The following MAP2K2 variants were observed in gnomAD, a reference collection of about 807,000 sequenced individuals.
MAP2K2 encodes the protein mitogen-activated protein kinase kinase 2, also known as dual specificity mitogen-activated protein kinase kinase 2.
In MAP2K2, 24 loss-of-function variants were observed where a neutral mutation model predicts 43.7. The observed-to-expected ratio is 0.55, with a 90% CI of 0.40 to 0.77. The LOEUF (loss-of-function observed/expected upper bound fraction) is 0.77, where lower values mean the gene tolerates loss of function less well. MAP2K2 is among the 30% of genes least tolerant of loss of function. MAP2K2 has a pLI of 0.00. For missense variants in MAP2K2, 470 were observed against 566.8 expected, an observed-to-expected ratio of 0.83 and a Z score of 1.73; for synonymous variants, 244 against 239.7, an observed-to-expected ratio of 1.02 and a Z score of -0.17.
chr19:4,104,265 TAAAAA>T (rs565822542), intron 3 of MAP2K2, among the ~76,000 whole-genome samples: 2 of 97,350 alleles, frequency 2.1e-5, no homozygotes, highest in African/African-American at 3.9e-5. Flanking sequence ...ACTCCTCAAT[TAAAAA>T]AAAAAAAAAA....
At chr19:4,121,705 G>A (rs1269500716) in intron 1 of MAP2K2, among the ~76,000 whole-genome samples, 2 of 112,762 alleles carry the variant, frequency 1.8e-5, no homozygotes, top group Non-Finnish European at 3.6e-5. Flanking sequence ...ACCTCCCCCA[G>A]CAGAAACCCC....
Position 4,090,610 on chromosome 19 carries a change from G to A in MAP2K2, c.1191C>T (p.Arg397=), listed in dbSNP as rs148592592. 4.9e-5 allele frequency: 76 copies of A among 1,551,388 alleles called. No homozygotes were observed. The African/African-American group carries it at 7.5e-4, about 15-fold the overall frequency. Residue 397 remains arginine (R), a synonymous_variant, in exon 11 of 11, where the codon CGC becomes CGT. Coordinates refer to ENST00000262948, the MANE Select transcript of MAP2K2 (RefSeq NM_030662.4). ...AGCCCGGCCACTGTCACACGGCGGT[G>A]CGCGTGGGTGTGCCGGGCTGGTTCA... ...LRLNQPGTPT[R]TAV
rs958780606 is a variant in MAP2K2 at position 4,110,491 on chromosome 19, T to C, written c.450+18A>G. On this transcript the variant is annotated intron_variant, in intron 3 of 10. Coordinates refer to ENST00000262948, the MANE Select transcript of MAP2K2 (RefSeq NM_030662.4). ...TCCGTGGAGGCCCTGCCCCTGCCCCTGCCCCGGACGCACTCACCATGTGTT... is the reference window on the plus strand; with the variant it reads ...TCCGTGGAGGCCCTGCCCCTGCCCCCGCCCCGGACGCACTCACCATGTGTT... 2 of 1,612,224 alleles carry C rather than the reference T, an allele frequency of 1.2e-6. No homozygotes were observed. The highest frequency in any genetic ancestry group is 2.2e-5 in the East Asian group (1 of 44,894).
chr19:4,123,806 G>A lies in MAP2K2; in HGVS notation c.70C>T (p.Pro24Ser). ...CACTCGGAGGCGCCCTCGCTGGTAG[G>A]GGATGGGCCCTCGGCGATGGTAGGG... ...INPTIAEGPS[P>S]TSEGASEANL... The change falls in exon 1 of 11, where the codon CCT becomes TCT. Residue 24 changes from proline to serine, a missense_variant. Pro to Ser is a moderately conservative substitution (Grantham distance 74). Around this residue, in one of 3 missense-constraint regions of MAP2K2, gnomAD observed 58 missense variants for 48.0 expected, o/e 1.21. Transcript: ENST00000262948. 5 of 1,566,088 alleles carry A rather than the reference G, an allele frequency of 3.2e-6. No individual in the cohort carries two copies. The highest frequency in any genetic ancestry group is 4.3e-6 in the Non-Finnish European group (5 of 1,161,018).
intron 2 of MAP2K2, 57 bp from the exon 3 acceptor site, chr19:4,110,712 C>A (rs2145070674): frequency 6.3e-7 from 1 of 1,578,402 alleles, no homozygotes; most frequent in Admixed American, 1.7e-5. Flanking sequence ...GGGATGAAGG[C>A]ATTTGGGGCC....
chr19:4,090,990 C>T (rs1008919650), intron 10 of MAP2K2, among the ~76,000 whole-genome samples: 25 of 152,328 alleles, frequency 1.6e-4, no homozygotes, highest in African/African-American at 2.4e-4. Context: ...GGAGGGTCTA[C>T]GCTCGCGCAA....
intron 3 of MAP2K2, among the ~76,000 whole-genome samples, chr19:4,106,767 A>G (rs377673470): frequency 2.6e-5 from 4 of 152,178 alleles, no homozygotes; most frequent in Admixed American, 2.0e-4. Flanking sequence ...TACTGTGGGG[A>G]TACTCCCATT....
intron 8 of MAP2K2, among the ~76,000 whole-genome samples, chr19:4,095,683 A>C (rs1280627572): frequency 6.6e-6 from 1 of 151,892 alleles, no homozygotes; most frequent in African/African-American, 2.4e-5. Context: ...TATCAACAGG[A>C]CAACCTCTCG....
intron 10 of MAP2K2, among the ~76,000 whole-genome samples, chr19:4,091,133 G>A (rs1008972061): frequency 3.3e-5 from 5 of 152,130 alleles, no homozygotes; most frequent in Non-Finnish European, 4.4e-5. Context: ...TCCCCAAGTC[G>A]TGACACCACA....
chr19:4,104,419 G>A (rs1228630343), intron 3 of MAP2K2, among the ~76,000 whole-genome samples: 1 of 151,958 alleles, frequency 6.6e-6, no homozygotes. Context: ...CGGGCGTGGT[G>A]GTGCACGCCT....
At position 4,099,217 on chromosome 19, in the gene MAP2K2, G is replaced by C. The variant is rs560316877; in HGVS notation, c.903C>G (p.Pro301=). The C allele has an allele frequency of 1.2e-6, 2 of 1,601,774 alleles. No individual in the cohort carries two copies. Among genetic ancestry groups the C allele is most frequent in the African/African-American group, 1.3e-5 (1 of 74,762 alleles). Residue 301 remains proline (P), a synonymous_variant, in exon 7 of 11, where the codon CCC becomes CCG. Coordinates refer to ENST00000262948, the MANE Select transcript of MAP2K2 (RefSeq NM_030662.4). ...PHSISPRPRP[P]GRPVSGHGMD... ...AGGCCGTACCGCTGACGGGGCGCCC[G>C]GGGGGCCTCGGCCGAGGCGAGATGC...
Position 4,101,461 on chromosome 19 carries a change from C to G in MAP2K2, c.529-181G>C, listed in dbSNP as rs149798122. On this transcript the variant is annotated intron_variant, in intron 4 of 10. Transcript: ENST00000262948. This position sits in a 1 kb window ranked among gnomAD's most constrained non-coding sequence, Gnocchi z 6.3. ...GAGGCCAGAGACGAGACAGTGCTGA[C>G]AGCCCTGTGCTGGCGTGTGCAAGTC... Among the ~76,000 whole-genome samples, 1 of 152,194 alleles carries G rather than the reference C, an allele frequency of 6.6e-6. No individual in the cohort carries two copies. The highest frequency in any genetic ancestry group is 1.5e-5 in the Non-Finnish European group (1 of 68,020).
intron 2 of MAP2K2, among the ~76,000 whole-genome samples, chr19:4,116,337 C>G (rs1809977): frequency 0.25 from 37,318 of 151,890 alleles, 4,627 homozygotes; most frequent in South Asian, 0.31. Context: ...TCGAGACCAG[C>G]CTGGCCAACA....
At chr19:4,102,326 G>T in intron 4 of MAP2K2, 50 bp downstream of exon 4, 1 of 1,463,520 alleles carries the variant, frequency 6.8e-7, no homozygotes, top group Non-Finnish European at 9.3e-7. Flanking sequence ...TGTGGAAGAG[G>T]TCCGTGCAGA....
rs1298905279 is a variant in MAP2K2 at position 4,101,385 on chromosome 19, T to TCCAGCGAGGGA, written c.529-106_529-105insTCCCTCGCTGG. ...GCAGTCAGAGCTGGAGCGAGGGAGC[T>TCCAGCGAGGGA]GCGGCAGGAACCATTTCAGGCTGTG... is the stretch of plus-strand genomic sequence containing the variant. On this transcript the variant is annotated intron_variant, in intron 4 of 10. Coordinates refer to ENST00000262948, the MANE Select transcript of MAP2K2 (RefSeq NM_030662.4). The surrounding 1 kb of genome is among the most constrained non-coding windows in gnomAD (Gnocchi z 6.3). 7.7e-7 allele frequency: 1 copy of TCCAGCGAGGGA among 1,291,494 alleles called. No homozygotes were observed. The highest frequency in any genetic ancestry group is 1.1e-6 in the Non-Finnish European group (1 of 912,542). 80.0% of individuals were successfully genotyped at this position (1,291,494 alleles called of 1,614,324 possible). A position where few individuals can be genotyped will look rare whatever the true frequency, so the allele number is the denominator to read the frequency against.
chr19:4,116,736 T>C (rs1431892971), intron 2 of MAP2K2, among the ~76,000 whole-genome samples: 1 of 151,950 alleles, frequency 6.6e-6, no homozygotes, highest in African/African-American at 2.4e-5. Flanking sequence ...CAGACCAGCC[T>C]GGCCAACATG....
chr19:4,103,728 A>G (rs1437879476), intron 3 of MAP2K2, among the ~76,000 whole-genome samples: 2 of 152,206 alleles, frequency 1.3e-5, no homozygotes, highest in Non-Finnish European at 2.9e-5. Flanking sequence ...GCTTGGAGAG[A>G]AAGGCCGAAG....
At position 4,091,838 on chromosome 19, in the gene MAP2K2, C is replaced by T. The variant is rs191475773; in HGVS notation, c.1093-1130G>A. Among the ~76,000 whole-genome samples the T allele has an allele frequency of 9.9e-5, 15 of 151,832 alleles. No individual in the cohort carries two copies. The East Asian group carries it at 1.4e-3, about 14-fold the overall frequency. On this transcript the variant is annotated intron_variant, in intron 10 of 10. Transcript: ENST00000262948. ...TAATTTTTGTATTTTTAGTTGAGAC[C>T]GGGTTTTTCCATGTTGCCCAGGCTG...
rs1202213101 is a variant in MAP2K2 at position 4,090,623 on chromosome 19, C to A, written c.1178G>T (p.Gly393Val). 2.6e-6 allele frequency: 4 copies of A among 1,552,988 alleles called. No homozygotes were observed. The highest frequency in any genetic ancestry group is 3.5e-6 in the Non-Finnish European group (4 of 1,148,418). The change falls in exon 11 of 11, where the codon GGC becomes GTC. Residue 393 changes from glycine to valine, a missense_variant. Transcript: ENST00000262948. ...LCKTLRLNQP[G>V]TPTRTAV ...TCACACGGCGGTGCGCGTGGGTGTG[C>A]CGGGCTGGTTCAGCCGCAGGGTTTT...
Sources: allele counts gnomAD v4.1 joint callset (sites outside exome capture counted in the v4.1 genomes callset), GRCh38; gene constraint gnomAD v4.1.1; regional missense constraint gnomAD v4.1.1; non-coding constraint Gnocchi (gnomAD v3.1); transcripts MANE v1.5; gene names NCBI Gene and HGNC (gene_info 2026-07-23, HGNC 2026-07-21).